The following PCDHGB1 variants were observed in gnomAD, a reference collection of about 807,000 sequenced individuals.
PCDHGB1 encodes the protein protocadherin gamma-B1.
In PCDHGB1, 34 loss-of-function variants were observed where a neutral mutation model predicts 56.6. The observed-to-expected ratio is 0.60, with a 90% CI of 0.46 to 0.80. The LOEUF (loss-of-function observed/expected upper bound fraction) is 0.80. Ranked by LOEUF, PCDHGB1 falls within the 30% of genes least tolerant of loss-of-function variation. PCDHGB1 has a pLI of 0.00. For synonymous variants in PCDHGB1, 561 were observed against 505.9 expected (o/e 1.11, Z -1.46); for missense variants, 1,278 against 1,204.6 (o/e 1.06, Z -0.90).
intron 1 of PCDHGB1, among the ~76,000 whole-genome samples, chr5:141,457,253 T>C (rs986838327): frequency 1.4e-4 from 22 of 152,196 alleles, no homozygotes; most frequent in Admixed American, 1.4e-3. Flanking sequence ...CTTGCCAACA[T>C]ATAGAATTCC....
chr5:141,366,284 C>A (rs941616031), intron 1 of PCDHGB1: 1 of 1,613,596 alleles, frequency 6.2e-7, no homozygotes, highest in African/African-American at 1.3e-5. Flanking sequence ...CCATGGCCAG[C>A]CCCCTCTGTC....
At chr5:141,423,936 G>A (rs2096792092) in intron 1 of PCDHGB1, 1 of 1,225,102 alleles carries the variant, frequency 8.2e-7, no homozygotes. Context: ...TTGGTTTGAA[G>A]TAAGTTGAAT....
At chr5:141,455,330 G>T (rs2098819667) in intron 1 of PCDHGB1, among the ~76,000 whole-genome samples, 1 of 152,042 alleles carries the variant, frequency 6.6e-6, no homozygotes, top group South Asian at 2.1e-4. Context: ...GTGTGTTTGT[G>T]GTTTTAAGGA....
chr5:141,360,738 CAG>C lies in PCDHGB1; in HGVS notation c.2409+8073_2409+8074del, dbSNP rs754230241. 7.4e-6 allele frequency: 12 copies of C among 1,613,846 alleles called. No individual in the cohort carries two copies. In the Admixed American group the frequency reaches 1.8e-4, roughly 25 times the overall value. On this transcript the variant is annotated intron_variant, in intron 1 of 3. Transcript: ENST00000523390. ...AGTTGATTCTAAAACACTCTCTGGA[CAG>C]AGAAGAGCACAGTTTACATCAATTG...
intron 1 of PCDHGB1, chr5:141,364,354 G>A (rs1256054518): frequency 6.4e-7 from 1 of 1,554,444 alleles, no homozygotes; most frequent in Admixed American, 2.0e-5. Flanking sequence ...CTAGGGGCTG[G>A]GGCTGCGGAG....
chr5:141,473,974 C>T (rs958240236), intron 1 of PCDHGB1, among the ~76,000 whole-genome samples: 12 of 152,172 alleles, frequency 7.9e-5, no homozygotes, highest in Admixed American at 1.3e-4. Flanking sequence ...AAGTCTGAGG[C>T]GGGAGGATCC....
Position 141,489,463 on chromosome 5 carries a change from T to C in PCDHGB1, c.2410-5344T>C. ...GGGCTCTGAGGAGAATGGGCGCTAT[T>C]TTTCCCTGAGCTTGATGAGTGGTGC... On this transcript the variant is annotated intron_variant, in intron 1 of 3. Transcript: ENST00000523390. This position sits in a 1 kb window ranked among gnomAD's most constrained non-coding sequence, Gnocchi z 4.5. 6.2e-7 allele frequency: 1 copy of C among 1,614,050 alleles called. No individual in the cohort carries two copies. The highest frequency in any genetic ancestry group is 8.5e-7 in the Non-Finnish European group (1 of 1,180,002).
At position 141,393,513 on chromosome 5, in the gene PCDHGB1, G is replaced by A. The variant is rs376672994; in HGVS notation, c.2409+40844G>A. The A allele has an allele frequency of 6.6e-5, 107 of 1,614,000 alleles. 1 individual carries two copies. In the Middle Eastern group the frequency reaches 1.3e-3, roughly 20 times the overall value. ...AGTGCGCATCCACGTGACAGTGTTG[G>A]ATACAAATGACAATGCCCCGGTTTT... On this transcript the variant is annotated intron_variant, in intron 1 of 3. Transcript: ENST00000523390.
chr5:141,388,026 G>A, intron 1 of PCDHGB1: 1 of 1,446,900 alleles, frequency 6.9e-7, no homozygotes, highest in South Asian at 1.3e-5. Flanking sequence ...CTCCGTAGTG[G>A]GGAACCTCGC....
chr5:141,368,313 G>A (rs1765575616), intron 1 of PCDHGB1, among the ~76,000 whole-genome samples: 1 of 152,024 alleles, frequency 6.6e-6, no homozygotes, highest in South Asian at 2.1e-4. Flanking sequence ...CTGTTAAAGA[G>A]CATTCAAGTA....
chr5:141,402,965 A>G, intron 1 of PCDHGB1: 2 of 1,606,016 alleles, frequency 1.2e-6, no homozygotes, highest in Non-Finnish European at 1.7e-6. Flanking sequence ...GGCAGCTCCA[A>G]CCAAATGCCA....
Position 141,485,046 on chromosome 5 carries a change from G to A in PCDHGB1, c.2410-9761G>A. On this transcript the variant is annotated intron_variant, in intron 1 of 3. Transcript: ENST00000523390. This position sits in a 1 kb window ranked among gnomAD's most constrained non-coding sequence, Gnocchi z 5.7. ...AAAAACGGCGCGTAACCCTTGCGGCGCCGGCCGAACCGCGCCAGAGCTGGC... is the reference window on the plus strand; with the variant it reads ...AAAAACGGCGCGTAACCCTTGCGGCACCGGCCGAACCGCGCCAGAGCTGGC... 2 of 750,304 alleles carry A rather than the reference G, an allele frequency of 2.7e-6. No individual in the cohort carries two copies. The highest frequency in any genetic ancestry group is 4.5e-6 in the Non-Finnish European group (2 of 443,046). The allele number at this position is 750,304 out of a possible 1,614,324, so 46.5% of individuals were successfully genotyped here. A position where few individuals can be genotyped will look rare whatever the true frequency, so the allele number is the denominator to read the frequency against.
Position 141,489,897 on chromosome 5 carries a change from C to G in PCDHGB1, c.2410-4910C>G. ...TGCTTACTGCTGTGGATGGGGGGAC[C>G]CCAGCCCGCTCAGGGACCACCCTTA... is the stretch of plus-strand genomic sequence containing the variant. On this transcript the variant is annotated intron_variant, in intron 1 of 3. Transcript: ENST00000523390. This position sits in a 1 kb window ranked among gnomAD's most constrained non-coding sequence, Gnocchi z 4.5. 1 of 1,614,162 alleles carries G rather than the reference C, an allele frequency of 6.2e-7. No individual in the cohort carries two copies. Among genetic ancestry groups the G allele is most frequent in the Non-Finnish European group, 8.5e-7 (1 of 1,180,016 alleles).
chr5:141,461,088 G>A (rs2099008870), intron 1 of PCDHGB1, among the ~76,000 whole-genome samples: 1 of 151,800 alleles, frequency 6.6e-6, no homozygotes, highest in Non-Finnish European at 1.5e-5. Context: ...GAATTGTGCT[G>A]CTATAAACAT....
At chr5:141,494,363 T>C (rs1264801258) in intron 1 of PCDHGB1, among the ~76,000 whole-genome samples, 1 of 152,206 alleles carries the variant, frequency 6.6e-6, no homozygotes, top group Non-Finnish European at 1.5e-5. Context: ...CTGCAGAGGA[T>C]GCTTTGTTCC....
intron 1 of PCDHGB1, chr5:141,408,616 A>C (rs1242634693): frequency 6.2e-7 from 1 of 1,614,052 alleles, no homozygotes. Flanking sequence ...AAAAGGAAAT[A>C]CATTTAGAAA....
chr5:141,505,634 A>T, intron 3 of PCDHGB1, 153 bp downstream of exon 3: 6 of 971,426 alleles, frequency 6.2e-6, no homozygotes, highest in Non-Finnish European at 7.3e-6. Context: ...CCAAACATAA[A>T]GCCTGGAATT....
chr5:141,395,489 A>C (rs1268928793), intron 1 of PCDHGB1: 1 of 480,438 alleles, frequency 2.1e-6, no homozygotes, highest in Non-Finnish European at 3.6e-6. Flanking sequence ...TCCTATTATC[A>C]CTCATTCACT....
chr5:141,361,584 C>T, intron 1 of PCDHGB1: 1 of 1,614,046 alleles, frequency 6.2e-7, no homozygotes, highest in African/African-American at 1.3e-5. Context: ...ACTTGGGCCC[C>T]AGTGGCCAAG....
Sources: gnomAD v4.1 joint callset for allele counts (sites outside exome capture counted in the v4.1 genomes callset) on GRCh38, gnomAD v4.1.1 for gene constraint, Gnocchi (gnomAD v3.1) non-coding constraint, MANE v1.5 for transcripts, NCBI Gene and HGNC (gene_info 2026-07-23, HGNC 2026-07-21) for gene names.